The following PKIB variants were observed in gnomAD, a reference collection of about 807,000 sequenced individuals.
PKIB encodes the protein cAMP-dependent protein kinase inhibitor beta, also known as PKI-beta.
PKIB carries 2 observed loss-of-function variants against 4.5 expected under a neutral mutation model. The observed-to-expected ratio is 0.44, with a 90% confidence interval of 0.18 to 1.39. PKIB has a LOEUF of 1.39. PKIB is among the 40% of genes most tolerant of loss of function. The pLI is 0.27. For missense variants in PKIB, 94 were observed against 92.6 expected, an observed-to-expected ratio of 1.02 and a Z score of -0.06; for synonymous variants, 38 against 36.0, an observed-to-expected ratio of 1.06 and a Z score of -0.20.
At chr6:122,493,055 C>G (rs1365595169) in intron 2 of PKIB, among the ~76,000 whole-genome samples, 1 of 152,120 alleles carries the variant, frequency 6.6e-6, no homozygotes, top group Non-Finnish European at 1.5e-5. Flanking sequence ...TATTGTCTAT[C>G]TAAACTCAAC....
At chr6:122,521,008 T>C (rs1351383046) in intron 2 of PKIB, among the ~76,000 whole-genome samples, 3 of 152,196 alleles carry the variant, frequency 2.0e-5, no homozygotes, top group African/African-American at 7.2e-5. Flanking sequence ...TGTGGCAGAA[T>C]TTCTTCAACT....
intron 2 of PKIB, among the ~76,000 whole-genome samples, chr6:122,665,306 G>A (rs558933473): frequency 4.6e-5 from 7 of 152,248 alleles, no homozygotes; most frequent in East Asian, 3.9e-4. Flanking sequence ...TGCAGATAAT[G>A]CTTAAGAGTC....
rs1773939332 is a variant in PKIB at position 122,589,075 on chromosome 6, A to G, written c.-161+3068A>G. Among the ~76,000 whole-genome samples, 7 of 152,252 alleles carry G rather than the reference A, an allele frequency of 4.6e-5. No individual in the cohort carries two copies. In the South Asian group the frequency reaches 1.5e-3, roughly 32 times the overall value. On this transcript the variant is annotated intron_variant, in intron 3 of 6. Transcript: ENST00000392491. ...TTCCTAGCACAGGAATATCTCTTCA[A>G]CTAAGATGTATGCCACAACCTAGAA...
intron 3 of PKIB, among the ~76,000 whole-genome samples, chr6:122,689,081 G>A (rs1026869849): frequency 6.6e-6 from 1 of 151,822 alleles, no homozygotes; most frequent in African/African-American, 2.4e-5. Flanking sequence ...ACACCTGGCC[G>A]ATCCTTTCAA....
chr6:122,565,888 T>C (rs923008991), intron 2 of PKIB, among the ~76,000 whole-genome samples: 7 of 152,192 alleles, frequency 4.6e-5, no homozygotes, highest in Non-Finnish European at 1.5e-5. Context: ...TGTGAGTGCT[T>C]TAATGACATC....
chr6:122,576,710 A>AT lies in PKIB; in HGVS notation c.-247-9207dup, dbSNP rs761840714. Among the ~76,000 whole-genome samples the AT allele has an allele frequency of 8.7e-4, 96 of 109,986 alleles. 2 individuals are homozygous for AT. Among genetic ancestry groups the AT allele is most frequent in the African/African-American group, 3.4e-3 (86 of 25,280 alleles). 72.2% of individuals were successfully genotyped at this position (109,986 alleles called of 152,430 possible). Reference sequence around the variant, plus strand: ...AAAAAATATATATATATATATATATATTTTCTTTTGTATAATTATACCTCA... The same window carrying AT: ...AAAAAATATATATATATATATATATATTTTTCTTTTGTATAATTATACCTCA... On this transcript the variant is annotated intron_variant, in intron 2 of 6. Coordinates refer to the PKIB transcript ENST00000392491.
chr6:122,611,589 C>T (rs1296061233), intron 1 of PKIB, among the ~76,000 whole-genome samples: 7 of 152,102 alleles, frequency 4.6e-5, no homozygotes, highest in Non-Finnish European at 1.0e-4. Context: ...AGAAATATTG[C>T]GAGTATTGCA....
chr6:122,680,602 C>A (rs1386573639), intron 3 of PKIB, among the ~76,000 whole-genome samples: 1 of 152,096 alleles, frequency 6.6e-6, no homozygotes, highest in African/African-American at 2.4e-5. Flanking sequence ...TTATGACAAG[C>A]CTCAGGGGAG....
At chr6:122,677,355 A>G (rs1009013437) in intron 3 of PKIB, among the ~76,000 whole-genome samples, 6 of 152,034 alleles carry the variant, frequency 3.9e-5, no homozygotes, top group East Asian at 1.9e-4. Context: ...AAACTGCCTC[A>G]TTGATTATAA....
chr6:122,530,500 A>C (rs1293149663), intron 2 of PKIB, among the ~76,000 whole-genome samples: 2 of 151,868 alleles, frequency 1.3e-5, no homozygotes, highest in Admixed American at 6.6e-5. Flanking sequence ...ATGCCTTGTA[A>C]TTTGTTTGTT....
intron 3 of PKIB, among the ~76,000 whole-genome samples, chr6:122,678,289 A>G (rs545120328): frequency 6.6e-6 from 1 of 152,226 alleles, no homozygotes; most frequent in East Asian, 1.9e-4. Flanking sequence ...TCCCAATTCC[A>G]GTTCTCTGTC....
chr6:122,591,796 C>G (rs1774028307), intron 3 of PKIB, among the ~76,000 whole-genome samples: 1 of 151,930 alleles, frequency 6.6e-6, no homozygotes, highest in Non-Finnish European at 1.5e-5. Flanking sequence ...ACTGCAGCCT[C>G]AACTTGCTGG....
At chr6:122,506,845 G>A (rs958654840) in intron 2 of PKIB, among the ~76,000 whole-genome samples, 46 of 150,374 alleles carry the variant, frequency 3.1e-4, no homozygotes, top group Middle Eastern at 6.9e-3. Flanking sequence ...GACTACAGGC[G>A]CCCACCATCA....
chr6:122,525,798 G>A (rs748096758), intron 2 of PKIB, among the ~76,000 whole-genome samples: 1 of 152,138 alleles, frequency 6.6e-6, no homozygotes, highest in African/African-American at 2.4e-5. Context: ...GAAGGTTGAA[G>A]TGGCTGTGGC....
intron 2 of PKIB, among the ~76,000 whole-genome samples, chr6:122,640,682 G>C (rs1776088082): frequency 6.6e-6 from 1 of 152,184 alleles, no homozygotes; most frequent in Admixed American, 6.5e-5. Context: ...AAGGACTCAG[G>C]TGGTGAACTA....
intron 3 of PKIB, among the ~76,000 whole-genome samples, chr6:122,703,779 CACAT>C (rs1778927955): frequency 6.7e-6 from 1 of 150,244 alleles, no homozygotes; most frequent in African/African-American, 2.4e-5. Context: ...TACATACACA[CACAT>C]ATATATACAT....
chr6:122,543,462 C>T (rs1772379212), intron 2 of PKIB, among the ~76,000 whole-genome samples: 1 of 151,478 alleles, frequency 6.6e-6, no homozygotes. Context: ...TCACTGCAAC[C>T]TCCACCTCCC....
chr6:122,603,987 TA>T (rs2114745341), intron 3 of PKIB, among the ~76,000 whole-genome samples: 1 of 152,274 alleles, frequency 6.6e-6, no homozygotes, highest in Non-Finnish European at 1.5e-5. Flanking sequence ...TATGGTCAAA[TA>T]AAAAGGTGCA....
intron 2 of PKIB, among the ~76,000 whole-genome samples, chr6:122,513,124 A>G (rs1444854889): frequency 1.3e-5 from 2 of 152,158 alleles, no homozygotes; most frequent in African/African-American, 4.8e-5. Context: ...AGACCATATT[A>G]TCATCCTCAA....
Sources: allele counts gnomAD v4.1 joint callset (sites outside exome capture counted in the v4.1 genomes callset), GRCh38; gene constraint gnomAD v4.1.1; transcripts MANE v1.5; gene names NCBI Gene and HGNC (gene_info 2026-07-23, HGNC 2026-07-21).